Variants in GRIK2 observed in about 807,000 individuals in gnomAD.
The protein encoded by GRIK2 is glutamate receptor ionotropic, kainate 2.
In GRIK2, 32 loss-of-function variants were observed where a neutral mutation model predicts 100.3. The ratio of observed to expected loss-of-function variants is 0.32; its 90% confidence interval spans 0.24 to 0.43. The LOEUF is 0.43. Ranked by LOEUF, GRIK2 falls within the 20% of genes least tolerant of loss-of-function variation. The pLI is 1.00. For missense variants in GRIK2, 843 were observed against 1,114.9 expected (o/e 0.76, Z 3.47); for synonymous variants, 417 against 389.4 (o/e 1.07, Z -0.83).
At chr6:102,043,886 G>T (rs1770733329) in intron 15 of GRIK2, among the ~76,000 whole-genome samples, 1 of 151,952 alleles carries the variant, frequency 6.6e-6, no homozygotes, top group African/African-American at 2.4e-5. Context: ...TTTATAAGGA[G>T]TTTTCACTTT....
intron 14 of GRIK2, among the ~76,000 whole-genome samples, chr6:101,973,358 A>G (rs907350634): frequency 6.6e-6 from 1 of 151,900 alleles, no homozygotes; most frequent in African/African-American, 2.4e-5. Context: ...TTTTACATAC[A>G]TTTATGACTA....
At chr6:101,446,523 C>T (rs1770389012) in intron 2 of GRIK2, among the ~76,000 whole-genome samples, 3 of 151,590 alleles carry the variant, frequency 2.0e-5, no homozygotes, top group Admixed American at 2.0e-4. Flanking sequence ...CACTAAGAAC[C>T]TTATGGTTTT....
intron 12 of GRIK2, among the ~76,000 whole-genome samples, chr6:101,907,069 C>A (rs1788281745): frequency 6.6e-6 from 1 of 151,594 alleles, no homozygotes; most frequent in Non-Finnish European, 1.5e-5. Flanking sequence ...TTCTGAAAAT[C>A]TTCTGGATAT....
intron 4 of GRIK2, among the ~76,000 whole-genome samples, chr6:101,629,716 T>G (rs934250834): frequency 1.3e-5 from 2 of 152,118 alleles, no homozygotes; most frequent in African/African-American, 4.8e-5. Context: ...AGGTAGAATT[T>G]TTTTCAACTT....
At chr6:101,520,174 A>ATTATC (rs5878669) in intron 2 of GRIK2, among the ~76,000 whole-genome samples, 83,518 of 151,126 alleles carry the variant, frequency 0.55, 25,023 homozygotes, top group African/African-American at 0.8. Flanking sequence ...TCTTCTTTTT[A>ATTATC]TTATAAATGG....
rs199786854 is a variant in GRIK2, at chr6:101,818,439, A to G, written c.1273A>G (p.Thr425Ala). The G allele has an allele frequency of 2.7e-5, 43 of 1,611,162 alleles. No individual in the cohort carries two copies. The highest frequency in any genetic ancestry group is 3.5e-5 in the Non-Finnish European group (41 of 1,177,540). The change falls in exon 10 of 17, where the codon ACA (threonine) becomes GCA (alanine). Residue 425 changes from threonine (T) to alanine (A), a missense_variant. Physicochemically the swap from Thr to Ala is moderately conservative, Grantham distance 58. Transcript: ENST00000369134. ...TCAAAAGGGAAAGCCAGCGAACATCACAGATTCCTTATCCAATCGTTCTTT... is the reference window on the plus strand; with the variant it reads ...TCAAAAGGGAAAGCCAGCGAACATCGCAGATTCCTTATCCAATCGTTCTTT... Reference protein sequence around the residue: ...ESQKGKPANITDSLSNRSLIV... With the variant: ...ESQKGKPANIADSLSNRSLIV...
At position 101,859,478 on chromosome 6, in the gene GRIK2, T is replaced by C. The variant is rs201501716; in HGVS notation, c.1509T>C (p.Arg503=). The part of the protein sequence containing the change: ...DANGQWNGMV[R]ELIDHKADLA... Reference sequence around the variant, plus strand: ...ATGGACAATGGAATGGAATGGTTCGTGAACTAATTGATCATGTAAGTCCCT... The same window carrying C: ...ATGGACAATGGAATGGAATGGTTCGCGAACTAATTGATCATGTAAGTCCCT... The change falls in exon 11 of 17, where the codon CGT becomes CGC. Residue 503 remains arginine, a synonymous_variant. Coordinates refer to ENST00000369134, the MANE Select transcript of GRIK2 (RefSeq NM_021956.5). 2.5e-6 allele frequency: 4 copies of C among 1,586,746 alleles called. No individual in the cohort carries two copies. Among genetic ancestry groups the C allele is most frequent in the South Asian group, 2.2e-5 (2 of 90,508 alleles).
chr6:101,799,716 G>A lies in GRIK2; in HGVS notation c.1020G>A (p.Met340Ile). ...TGGCCGTTCAACAGTTTCCCCAGAT[G>A]ACAGTCAGTTCCTTGCAGTGTAATC... is the stretch of plus-strand genomic sequence containing the variant. ...VSVAVQQFPQ[M>I]TVSSLQCNRH... is the part of the protein sequence containing the mutation. The change falls in exon 8 of 17, where the codon ATG becomes ATA. Residue 340 changes from methionine (M) to isoleucine (I), a missense_variant. Met to Ile is a conservative substitution (Grantham distance 10). This residue lies in a region of GRIK2 where 519 missense variants were observed against 643.8 expected (regional missense o/e 0.81). Coordinates refer to ENST00000369134, the MANE Select transcript of GRIK2 (RefSeq NM_021956.5). 1 of 1,612,972 alleles carries A rather than the reference G, an allele frequency of 6.2e-7. No homozygotes were observed.
intron 14 of GRIK2, among the ~76,000 whole-genome samples, chr6:102,002,756 ACT>A (rs1554189924): frequency 1.3e-5 from 2 of 150,500 alleles, no homozygotes; most frequent in Non-Finnish European, 3.0e-5. Flanking sequence ...GATAAAAAAA[ACT>A]CTCATTACAA....
At chr6:101,773,295 A>G (rs1268775667) in intron 7 of GRIK2, among the ~76,000 whole-genome samples, 1 of 152,120 alleles carries the variant, frequency 6.6e-6, no homozygotes, top group Non-Finnish European at 1.5e-5. Flanking sequence ...CCTGGCTAAC[A>G]TGGTGAAACC....
At chr6:101,464,052 C>T (rs1269090213) in intron 2 of GRIK2, among the ~76,000 whole-genome samples, 1 of 152,134 alleles carries the variant, frequency 6.6e-6, no homozygotes, top group South Asian at 2.1e-4. Context: ...AACCTTTCCT[C>T]GAATTACTTG....
intron 7 of GRIK2, among the ~76,000 whole-genome samples, chr6:101,751,415 A>G (rs1418206442): frequency 6.6e-6 from 1 of 152,140 alleles, no homozygotes; most frequent in Non-Finnish European, 1.5e-5. Context: ...TTTCCATTTT[A>G]TATCATAGTA....
chr6:102,010,470 G>A lies in GRIK2; in HGVS notation c.2086-24871G>A, dbSNP rs112361123. Among the ~76,000 whole-genome samples, 31 of 151,472 alleles carry A rather than the reference G, an allele frequency of 2.0e-4. 1 individual carries two copies. Among genetic ancestry groups the A allele is most frequent in the African/African-American group, 5.1e-4 (21 of 41,212 alleles). Reference sequence around the variant, plus strand: ...GCAATCTAGGCTCACTGCAACCTCCGCCTCCTGAATTCAAGCGATTCTTCT... The same window carrying A: ...GCAATCTAGGCTCACTGCAACCTCCACCTCCTGAATTCAAGCGATTCTTCT... On this transcript the variant is annotated intron_variant, in intron 14 of 16. Coordinates refer to ENST00000369134, the MANE Select transcript of GRIK2 (RefSeq NM_021956.5).
chr6:101,880,546 T>A (rs937035760), intron 11 of GRIK2, among the ~76,000 whole-genome samples: 1 of 152,078 alleles, frequency 6.6e-6, no homozygotes, highest in African/African-American at 2.4e-5. Flanking sequence ...TCTGTCATAT[T>A]ATTTCACAGT....
chr6:101,664,824 A>G (rs1480044138), intron 4 of GRIK2, among the ~76,000 whole-genome samples: 2 of 152,164 alleles, frequency 1.3e-5, no homozygotes, highest in African/African-American at 4.8e-5. Context: ...AGGAGGAGCA[A>G]AGGCACATCT....
At chr6:101,612,716 ATGTGTGTG>A (rs139709674) in intron 2 of GRIK2, among the ~76,000 whole-genome samples, 22,295 of 143,290 alleles carry the variant, frequency 0.16, 2,004 homozygotes, top group South Asian at 0.26. Context: ...GTATGTGTTA[ATGTGTGTG>A]TGTGTGTGTG....
At chr6:101,885,778 T>A (rs1414331266) in intron 11 of GRIK2, among the ~76,000 whole-genome samples, 1 of 152,088 alleles carries the variant, frequency 6.6e-6, no homozygotes, top group African/African-American at 2.4e-5. Flanking sequence ...AATTTGAGGT[T>A]TACAGATGAA....
At chr6:101,588,986 GA>G in intron 2 of GRIK2, among the ~76,000 whole-genome samples, 1 of 152,108 alleles carries the variant, frequency 6.6e-6, no homozygotes, top group South Asian at 2.1e-4. Flanking sequence ...ACAGATTAGG[GA>G]AAAACAAAGC....
At chr6:101,641,549 A>G (rs1428546276) in intron 4 of GRIK2, among the ~76,000 whole-genome samples, 3 of 151,998 alleles carry the variant, frequency 2.0e-5, no homozygotes, top group Non-Finnish European at 4.4e-5. Flanking sequence ...TTTCTTTTAA[A>G]TATCATCAGA....
Sources: gnomAD v4.1 joint callset for allele counts (sites outside exome capture counted in the v4.1 genomes callset) on GRCh38, gnomAD v4.1.1 for gene constraint, gnomAD v4.1.1 regional missense constraint, MANE v1.5 for transcripts, NCBI Gene and HGNC (gene_info 2026-07-23, HGNC 2026-07-21) for gene names.